The following CNTLN variants were observed in gnomAD, a reference collection of about 807,000 sequenced individuals.
CNTLN encodes centlein, centrosomal protein.
CNTLN carries 212 observed loss-of-function variants against 180.0 expected under a neutral mutation model. The observed-to-expected ratio is 1.18, with a 90% CI of 1.05 to 1.32. CNTLN has a LOEUF of 1.32. CNTLN is among the 40% of genes most tolerant of loss of function. The pLI is 0.00. For synonymous variants in CNTLN, 722 were observed against 563.1 expected (o/e 1.28, Z -3.99); for missense variants, 2,095 against 1,610.9 (o/e 1.30, Z -5.14).
At chr9:17,460,750 C>T (rs748943653) in intron 19 of CNTLN, among the ~76,000 whole-genome samples, 7 of 151,696 alleles carry the variant, frequency 4.6e-5, no homozygotes, top group Non-Finnish European at 8.9e-5. Flanking sequence ...AGTCTAAAAA[C>T]AGAAAAGAAT....
chr9:17,359,739 A>C (rs1307108758), intron 12 of CNTLN, among the ~76,000 whole-genome samples: 1 of 120,018 alleles, frequency 8.3e-6, no homozygotes, highest in African/African-American at 3.2e-5. Flanking sequence ...AAAAAAAAAA[A>C]AAAAAAAAAA....
intron 12 of CNTLN, among the ~76,000 whole-genome samples, chr9:17,344,627 A>G (rs1023437343): frequency 1.3e-5 from 2 of 152,186 alleles, no homozygotes; most frequent in African/African-American, 4.8e-5. Flanking sequence ...ATGAAATGTG[A>G]TGTTAAAAAT....
intron 5 of CNTLN, among the ~76,000 whole-genome samples, chr9:17,239,939 T>C (rs906719304): frequency 2.6e-5 from 4 of 152,172 alleles, no homozygotes; most frequent in African/African-American, 9.6e-5. Flanking sequence ...GATTAGTTAT[T>C]CTGGGTCTGT....
intron 8 of CNTLN, among the ~76,000 whole-genome samples, chr9:17,329,220 A>G (rs1820488973): frequency 6.6e-6 from 1 of 152,070 alleles, no homozygotes; most frequent in Non-Finnish European, 1.5e-5. Context: ...AACATTTATA[A>G]TTTTATTAAA....
Position 17,223,337 on chromosome 9 carries a change from G to A in CNTLN, c.450-2866G>A, listed in dbSNP as rs190846911. On this transcript the variant is annotated intron_variant, in intron 2 of 25. Transcript: ENST00000380647. ...CGGTATTTGGATGACTCCTAAAGTT[G>A]TATCTCCAGCCTTAACTTTTTTACT... is the stretch of plus-strand genomic sequence containing the variant. 1.3e-4 allele frequency among the ~76,000 whole-genome samples: 20 copies of A among 152,130 alleles called. No homozygotes were observed. The East Asian group carries it at 3.9e-3, about 29-fold the overall frequency.
chr9:17,296,091 G>A (rs895419290), intron 6 of CNTLN, among the ~76,000 whole-genome samples: 1 of 150,682 alleles, frequency 6.6e-6, no homozygotes, highest in Non-Finnish European at 1.5e-5. Flanking sequence ...GTGCGATCTC[G>A]GCTCAGGATC....
intron 2 of CNTLN, among the ~76,000 whole-genome samples, chr9:17,198,558 AT>A (rs1822294758): frequency 2.0e-5 from 2 of 98,614 alleles, no homozygotes; most frequent in South Asian, 6.0e-4. Context: ...TTTTTAGATT[AT>A]TTGCTGTTGG....
At chr9:17,295,601 C>T (rs1209287663) in intron 6 of CNTLN, among the ~76,000 whole-genome samples, 4 of 152,052 alleles carry the variant, frequency 2.6e-5, no homozygotes, top group African/African-American at 4.8e-5. Context: ...TGGTGGGGGG[C>T]CTCCGACCAC....
At chr9:17,521,148 C>T in the CNTLN span, among the ~76,000 whole-genome samples, 2,179 of 152,090 alleles carry the variant, frequency 0.014, 69 homozygotes, top group African/African-American at 0.05. Flanking sequence ...AATCCACAGG[C>T]TTTGGTTAAA....
chr9:17,389,855 C>T (rs10120013), intron 14 of CNTLN, among the ~76,000 whole-genome samples: 124,259 of 152,044 alleles, frequency 0.82, 51,261 homozygotes, highest in Non-Finnish European at 0.87. Context: ...TATCTCAGAA[C>T]GTGGCTGTAT....
At chr9:17,345,446 T>G (rs182062566) in intron 12 of CNTLN, among the ~76,000 whole-genome samples, 11 of 152,216 alleles carry the variant, frequency 7.2e-5, no homozygotes, top group Admixed American at 5.9e-4. Context: ...CTGTTTCCCA[T>G]TTAATTCCTT....
chr9:17,293,538 A>T (rs933796512), intron 6 of CNTLN, among the ~76,000 whole-genome samples: 1 of 152,164 alleles, frequency 6.6e-6, no homozygotes, highest in Non-Finnish European at 1.5e-5. Flanking sequence ...CCGCCTGAAG[A>T]GGCAGTCTGG....
chr9:17,319,135 T>C (rs1180278139), intron 8 of CNTLN, among the ~76,000 whole-genome samples: 2 of 152,184 alleles, frequency 1.3e-5, no homozygotes, highest in Non-Finnish European at 2.9e-5. Flanking sequence ...ACAACGTATG[T>C]CATTTTGTTA....
chr9:17,464,416 A>G (rs1831625996), intron 20 of CNTLN, 81 bp from the exon 21 acceptor site: 2 of 1,207,766 alleles, frequency 1.7e-6, no homozygotes, highest in South Asian at 2.9e-5. Flanking sequence ...AACAGTAGGT[A>G]TAATATTGGA....
Position 17,462,994 on chromosome 9 carries a change from A to T in CNTLN, c.3385A>T (p.Ile1129Leu), listed in dbSNP as rs150204922. Reference sequence around the variant, plus strand: ...TGAACTCCTAGCAAAAGAAGAACACATAAAGGAAATGCATGAAAAGTATGG... The same window carrying T: ...TGAACTCCTAGCAAAAGAAGAACACTTAAAGGAAATGCATGAAAAGTATGG... ...KFELLAKEEHIKEMHEKISRM... is the reference protein window; with the variant it reads ...KFELLAKEEHLKEMHEKISRM... The change falls in exon 20 of 26, where the codon ATA becomes TTA. Residue 1129 changes from isoleucine (I) to leucine (L), a missense_variant. Ile to Leu is a conservative substitution (Grantham distance 5, BLOSUM62 2). Transcript: ENST00000380647. 3.8e-6 allele frequency: 6 copies of T among 1,583,224 alleles called. 1 individual carries two copies. In the South Asian group the frequency reaches 6.9e-5, roughly 18 times the overall value.
chr9:17,459,648 A>C (rs970837697), intron 19 of CNTLN, among the ~76,000 whole-genome samples: 11 of 151,752 alleles, frequency 7.2e-5, no homozygotes, highest in African/African-American at 2.7e-4. Flanking sequence ...ACAGTTCTGA[A>C]GGCTGGAAGT....
At chr9:17,433,610 G>A (rs115063916) in intron 18 of CNTLN, among the ~76,000 whole-genome samples, 2,800 of 122,884 alleles carry the variant, frequency 0.023, 87 homozygotes, top group African/African-American at 0.068. Context: ...CTAAGAGTTT[G>A]TAGTGGTTTT....
Position 17,143,377 on chromosome 9 carries a change from G to T in CNTLN, c.449+1G>T. 1 of 1,611,110 alleles carries T rather than the reference G, an allele frequency of 6.2e-7. No homozygotes were observed. Among genetic ancestry groups the T allele is most frequent in the South Asian group, 1.1e-5 (1 of 90,750 alleles). On this transcript the variant is annotated splice_donor_variant, in intron 2 of 25. Transcript: ENST00000380647. LOFTEE classifies it high-confidence loss of function. ...AAGTGGTCAGTTTGGTTGTGGAAAG[G>T]TGAGCTCTCAAATTATTTTTTCATG...
intron 8 of CNTLN, among the ~76,000 whole-genome samples, chr9:17,310,214 C>G (rs1029338555): frequency 1.2e-4 from 18 of 152,088 alleles, no homozygotes; most frequent in African/African-American, 4.3e-4. Context: ...CTTTGATTCT[C>G]TTACAAGAGG....
Sources: gnomAD v4.1 joint callset for allele counts (sites outside exome capture counted in the v4.1 genomes callset) on GRCh38, gnomAD v4.1.1 for gene constraint, MANE v1.5 for transcripts, NCBI Gene and HGNC (gene_info 2026-07-23, HGNC 2026-07-21) for gene names.